OSBPL6: variants seen among roughly 807,000 people sequenced by gnomAD.
OSBPL6 encodes oxysterol-binding protein-related protein 6.
OSBPL6 carries 49 observed loss-of-function variants against 125.8 expected under a neutral mutation model. That is an observed-to-expected ratio of 0.39 (90% confidence interval 0.31 to 0.49). The LOEUF is 0.49. Among genes scored for constraint, OSBPL6 ranks in the 20% least tolerant of loss-of-function variants. The probability of loss-of-function intolerance (pLI) is 0.88; values close to 1 mark genes in which losing one functional copy is unlikely to be tolerated. For synonymous variants in OSBPL6, 394 were observed against 391.8 expected, an observed-to-expected ratio of 1.01 and a Z score of -0.07; for missense variants, 986 against 1,135.4, an observed-to-expected ratio of 0.87 and a Z score of 1.89.
At chr2:178,263,291 G>A (rs2092121322) in intron 1 of OSBPL6, among the ~76,000 whole-genome samples, 2 of 152,092 alleles carry the variant, frequency 1.3e-5, no homozygotes, top group African/African-American at 4.8e-5. Flanking sequence ...CTAGCCTGAC[G>A]GACATGGTGA....
intron 2 of OSBPL6, among the ~76,000 whole-genome samples, chr2:178,289,844 A>G (rs796224836): frequency 1.6e-5 from 2 of 128,304 alleles, no homozygotes; most frequent in African/African-American, 5.0e-5. Flanking sequence ...ACTCAGATTT[A>G]CTAGAACTTG....
intron 19 of OSBPL6, among the ~76,000 whole-genome samples, chr2:178,386,850 T>TTTTG (rs199800130): frequency 4.6e-5 from 7 of 151,234 alleles, no homozygotes; most frequent in South Asian, 4.2e-4. Flanking sequence ...TTTTTTTTAG[T>TTTTG]TTTGTTTGTT....
Position 178,228,351 on chromosome 2 carries a change from T to A in OSBPL6, c.-351+33677T>A, listed in dbSNP as rs140847660. On this transcript the variant is annotated intron_variant, in intron 1 of 24. Coordinates refer to ENST00000190611, the MANE Select transcript of OSBPL6 (RefSeq NM_032523.4). ...GAGATCGAGACCATCCTGGCTAACA[T>A]GGTGAAACACCATCTCTACTAAAAA... 1.2e-4 allele frequency among the ~76,000 whole-genome samples: 19 copies of A among 152,176 alleles called. No individual in the cohort carries two copies. The South Asian group carries it at 1.5e-3, about 12-fold the overall frequency.
chr2:178,292,729 G>C (rs1685400398), intron 2 of OSBPL6, among the ~76,000 whole-genome samples: 1 of 152,076 alleles, frequency 6.6e-6, no homozygotes, highest in Admixed American at 6.6e-5. Context: ...AACAAGGAGA[G>C]CAGGAAACAA....
chr2:178,376,630 C>A (rs929850852), intron 15 of OSBPL6, among the ~76,000 whole-genome samples: 13 of 152,256 alleles, frequency 8.5e-5, no homozygotes, highest in South Asian at 4.2e-4. Context: ...GACACTGTAT[C>A]CAGTGTCCTT....
intron 11 of OSBPL6, 87 bp from the exon 12 acceptor site, chr2:178,349,137 T>C (rs906759532): frequency 2.9e-6 from 4 of 1,361,762 alleles, no homozygotes; most frequent in Admixed American, 1.7e-5. Flanking sequence ...ATCTATTATT[T>C]TGAAGAACGG....
At position 178,248,194 on chromosome 2, in the gene OSBPL6, A is replaced by G. The variant is rs920939676; in HGVS notation, c.-350-36733A>G. Among the ~76,000 whole-genome samples the G allele has an allele frequency of 3.9e-5, 6 of 152,230 alleles. 1 individual carries two copies. Among genetic ancestry groups the G allele is most frequent in the African/African-American group, 7.2e-5 (3 of 41,460 alleles). On this transcript the variant is annotated intron_variant, in intron 1 of 24. Transcript: ENST00000190611. ...ATAAGAAGACCATATTCTTTTTTGT[A>G]TATCTGTGAGAAAGTTTAGTCCCAT... is the stretch of plus-strand genomic sequence containing the variant.
chr2:178,394,262 T>C lies in OSBPL6; in HGVS notation c.2574-51T>C, dbSNP rs543695321. On this transcript the variant is annotated intron_variant, in intron 23 of 24. Transcript: ENST00000190611. ...AATTTTGTGCAAATGAGGTTTTTTT[T>C]CCCCCAGAAAAGAGGATAATATGTT... 487 of 1,586,812 alleles carry C rather than the reference T, an allele frequency of 3.1e-4. 4 individuals are homozygous for C. The South Asian group carries it at 5.3e-3, about 17-fold the overall frequency.
intron 1 of OSBPL6, among the ~76,000 whole-genome samples, chr2:178,197,137 G>T (rs1289392458): frequency 6.6e-6 from 1 of 151,816 alleles, no homozygotes; most frequent in Admixed American, 6.6e-5. Flanking sequence ...AAAATTGCTG[G>T]TTTGTAGGTT....
At chr2:178,365,630 C>T (rs1222495661) in intron 13 of OSBPL6, among the ~76,000 whole-genome samples, 4 of 152,086 alleles carry the variant, frequency 2.6e-5, no homozygotes, top group African/African-American at 9.6e-5. Context: ...GAGCCAAGAT[C>T]GCACCATTGC....
rs1434919509 is a variant in OSBPL6, at chr2:178,397,941, A to G, written c.*2382A>G. 2 of 152,236 alleles carry G rather than the reference A, an allele frequency of 1.3e-5. No individual in the cohort carries two copies. Among genetic ancestry groups the G allele is most frequent in the Non-Finnish European group, 2.9e-5 (2 of 68,048 alleles). 9.4% of individuals were successfully genotyped at this position (152,236 alleles called of 1,614,324 possible). Reference sequence around the variant, plus strand: ...TATTAAAATCACTACATTTGATAATATCTCAGATTTAGAATCTCTTTTGGG... The same window carrying G: ...TATTAAAATCACTACATTTGATAATGTCTCAGATTTAGAATCTCTTTTGGG... On this transcript the variant is annotated 3_prime_UTR_variant, in exon 25 of 25. Transcript: ENST00000190611.
At chr2:178,232,293 T>C (rs1255205931) in intron 1 of OSBPL6, among the ~76,000 whole-genome samples, 1 of 152,200 alleles carries the variant, frequency 6.6e-6, no homozygotes, top group Non-Finnish European at 1.5e-5. Context: ...ACCCTCATCC[T>C]CTGACTCTCA....
intron 18 of OSBPL6, 24 bp from the exon 19 acceptor site, chr2:178,385,434 C>T (rs747503265): frequency 6.5e-6 from 10 of 1,547,524 alleles, no homozygotes; most frequent in Non-Finnish European, 8.9e-6. Context: ...CTGATACTGC[C>T]TTTTTTTTGT....
At chr2:178,319,497 C>T (rs568483837) in intron 3 of OSBPL6, among the ~76,000 whole-genome samples, 2 of 152,288 alleles carry the variant, frequency 1.3e-5, no homozygotes, top group African/African-American at 2.4e-5. Flanking sequence ...AAGCTTGACT[C>T]GAGTAAAATC....
intron 3 of OSBPL6, among the ~76,000 whole-genome samples, chr2:178,308,422 A>G (rs1686974312): frequency 6.6e-6 from 1 of 152,202 alleles, no homozygotes; most frequent in Non-Finnish European, 1.5e-5. Flanking sequence ...AATCCTTTCC[A>G]TTCTCCTGAT....
intron 1 of OSBPL6, among the ~76,000 whole-genome samples, chr2:178,259,760 G>T (rs999552386): frequency 5.3e-5 from 8 of 152,176 alleles, no homozygotes; most frequent in Admixed American, 1.3e-4. Context: ...TCTTTGACAG[G>T]CGGCAGTTTC....
intron 19 of OSBPL6, among the ~76,000 whole-genome samples, chr2:178,386,249 C>A (rs764807410): frequency 2.0e-5 from 3 of 152,118 alleles, no homozygotes; most frequent in Non-Finnish European, 2.9e-5. Context: ...TTGGTCATCA[C>A]CAAGAATCAG....
intron 15 of OSBPL6, among the ~76,000 whole-genome samples, chr2:178,379,333 AGGG>A (rs773377036): frequency 0.023 from 1,124 of 48,720 alleles, 5 homozygotes; most frequent in African/African-American, 0.04. Flanking sequence ...AAGGAAAGGA[AGGG>A]AGGGAGGGAG....
intron 5 of OSBPL6, 33 bp downstream of exon 5, chr2:178,328,411 T>C: frequency 6.3e-7 from 1 of 1,598,496 alleles, no homozygotes; most frequent in Non-Finnish European, 8.5e-7. Context: ...GTTCAGACCA[T>C]CTTCATAAAT....
Sources: allele counts gnomAD v4.1 joint callset (sites outside exome capture counted in the v4.1 genomes callset), GRCh38; gene constraint gnomAD v4.1.1; transcripts MANE v1.5; gene names NCBI Gene and HGNC (gene_info 2026-07-23, HGNC 2026-07-21).